The following INTU variants were observed in gnomAD, a reference collection of about 807,000 sequenced individuals.
INTU encodes the protein protein inturned.
Under a neutral mutation model 100.5 loss-of-function variants are expected in INTU, and 68 were observed. That is an observed-to-expected ratio of 0.68 (90% confidence interval 0.56 to 0.83). The LOEUF (loss-of-function observed/expected upper bound fraction) is 0.83, where lower values mean the gene tolerates loss of function less well. INTU is among the 40% of genes least tolerant of loss of function. The probability of loss-of-function intolerance (pLI) is 0.00; values close to 1 mark genes in which losing one functional copy is unlikely to be tolerated. For missense variants in INTU, 1,071 were observed against 1,114.7 expected (o/e 0.96, Z 0.56); for synonymous variants, 357 against 395.7 (o/e 0.90, Z 1.16).
intron 8 of INTU, among the ~76,000 whole-genome samples, chr4:127,693,637 C>G (rs371955487): frequency 1.2e-4 from 18 of 152,168 alleles, no homozygotes; most frequent in African/African-American, 4.1e-4. Context: ...AAGTGGGCAT[C>G]CTTGTCTTGT....
chr4:127,656,726 G>A lies in INTU; in HGVS notation c.768+5G>A, dbSNP rs1382972145. 1 of 1,550,960 alleles carries A rather than the reference G, an allele frequency of 6.4e-7. No homozygotes were observed. The highest frequency in any genetic ancestry group is 8.8e-7 in the Non-Finnish European group (1 of 1,130,594). ...TGCATTCCTGGACCTATGCAGGTAT[G>A]GACATTCTTTTTCTATATTTTATGA... On this transcript the variant is annotated splice_donor_5th_base_variant and intron_variant, in intron 3 of 15. Coordinates refer to ENST00000335251, the MANE Select transcript of INTU (RefSeq NM_015693.4).
chr4:127,714,655 A>ATCTCTT (rs1393309063), intron 15 of INTU, among the ~76,000 whole-genome samples: 1 of 152,114 alleles, frequency 6.6e-6, no homozygotes, highest in Non-Finnish European at 1.5e-5. Context: ...ACGATCCATT[A>ATCTCTT]TCTCTTTCCC....
rs190161028 is a variant in INTU, at chr4:127,656,588, G to T, written c.683-48G>T. 5,892 of 1,351,872 alleles carry T rather than the reference G, an allele frequency of 4.4e-3. 26 individuals carry two copies. Among genetic ancestry groups the T allele is most frequent in the Non-Finnish European group, 5.4e-3 (5,126 of 943,052 alleles). The allele number at this position is 1,351,872 out of a possible 1,614,324, so 83.7% of individuals were successfully genotyped here. On this transcript the variant is annotated intron_variant, in intron 2 of 15. Transcript: ENST00000335251. The stretch of plus-strand genomic sequence containing the variant: ...AATGTTCCAATTCTAGACCTCTATG[G>T]TTTTTAGATATTCATAAAACTATCT...
chr4:127,687,920 T>C (rs1729905507), intron 8 of INTU, 53 bp downstream of exon 8: 1 of 1,179,466 alleles, frequency 8.5e-7, no homozygotes, highest in Non-Finnish European at 1.2e-6. Context: ...TATTATAATC[T>C]TGTATCTTCT....
intron 15 of INTU, 43 bp downstream of exon 15, chr4:127,714,136 A>G: frequency 6.5e-7 from 1 of 1,536,386 alleles, no homozygotes. Context: ...GTGTTAGAAA[A>G]GTGAAAGAAA....
intron 2 of INTU, among the ~76,000 whole-genome samples, chr4:127,646,628 C>T (rs1278404484): frequency 6.6e-6 from 1 of 152,166 alleles, no homozygotes; most frequent in Non-Finnish European, 1.5e-5. Context: ...AGAAGCTCCC[C>T]CTCACCTCTG....
intron 6 of INTU, among the ~76,000 whole-genome samples, chr4:127,682,040 A>C (rs891167841): frequency 6.6e-5 from 10 of 151,604 alleles, no homozygotes; most frequent in African/African-American, 2.4e-4. Context: ...AATGCAAATC[A>C]AAACCACAAT....
At chr4:127,673,222 T>C (rs1729013328) in intron 5 of INTU, among the ~76,000 whole-genome samples, 1 of 152,106 alleles carries the variant, frequency 6.6e-6, no homozygotes, top group Admixed American at 6.5e-5. Flanking sequence ...TTGTCACCCA[T>C]GCTGGAGTGC....
At chr4:127,635,195 A>AT (rs1174613840) in intron 1 of INTU, among the ~76,000 whole-genome samples, 1 of 152,212 alleles carries the variant, frequency 6.6e-6, no homozygotes, top group Non-Finnish European at 1.5e-5. Flanking sequence ...ATAAAATTAC[A>AT]TTATGGTAAA....
intron 7 of INTU, chr4:127,686,784 C>CT (rs1729846602): frequency 6.6e-6 from 1 of 152,116 alleles, no homozygotes; most frequent in East Asian, 1.9e-4. Context: ...AGCTCATTGT[C>CT]TTTTGTCTTG....
chr4:127,638,109 T>A (rs536566645), intron 1 of INTU, among the ~76,000 whole-genome samples: 1 of 152,306 alleles, frequency 6.6e-6, no homozygotes, highest in Admixed American at 6.5e-5. Context: ...AATCAGATAT[T>A]GTTGGTAGAC....
chr4:127,683,992 AGTTG>A (rs1366040468), intron 6 of INTU: 1 of 153,380 alleles, frequency 6.5e-6, no homozygotes, highest in Non-Finnish European at 1.5e-5. Context: ...TTGGAGGCCC[AGTTG>A]ATATGTGGGT....
intron 6 of INTU, among the ~76,000 whole-genome samples, chr4:127,677,892 A>G (rs1729305833): frequency 6.6e-6 from 1 of 152,260 alleles, no homozygotes; most frequent in Non-Finnish European, 1.5e-5. Flanking sequence ...TAACCAATAC[A>G]GAGAAGTGCT....
intron 2 of INTU, among the ~76,000 whole-genome samples, chr4:127,651,181 T>C (rs943090167): frequency 5.3e-5 from 8 of 152,082 alleles, no homozygotes; most frequent in Non-Finnish European, 1.2e-4. Flanking sequence ...CTGTTCACTC[T>C]GATGGTAGTT....
chr4:127,688,983 T>TC (rs1368948360), intron 8 of INTU, among the ~76,000 whole-genome samples: 1 of 139,302 alleles, frequency 7.2e-6, no homozygotes, highest in Admixed American at 7.2e-5. Flanking sequence ...TTTTTTTTTT[T>TC]TTTTTTTTTT....
In INTU at chr4:127,678,146, G is replaced by T. The variant is rs940531298; in HGVS notation, c.1181+3933G>T. On this transcript the variant is annotated intron_variant, in intron 6 of 15. Transcript: ENST00000335251. ...CTGATTGGTGTACCTGAAAGTGATG[G>T]GGAGAATGGAACCAAGTTGGAAAAC... is the stretch of plus-strand genomic sequence containing the variant. Among the ~76,000 whole-genome samples the T allele has an allele frequency of 8.1e-4, 123 of 152,280 alleles. 1 individual carries two copies. Among genetic ancestry groups the T allele is most frequent in the Non-Finnish European group, 1.2e-3 (85 of 68,038 alleles).
intron 12 of INTU, 21 bp downstream of exon 12, chr4:127,706,990 G>A: frequency 6.3e-7 from 1 of 1,590,466 alleles, no homozygotes; most frequent in Non-Finnish European, 8.6e-7. Context: ...ATTCAAGTGT[G>A]TATGTTCTGG....
At chr4:127,707,709 C>G (rs1464750580) in intron 12 of INTU, among the ~76,000 whole-genome samples, 1 of 151,952 alleles carries the variant, frequency 6.6e-6, no homozygotes, top group Non-Finnish European at 1.5e-5. Context: ...AAATCTGAAC[C>G]TTTGTAACAC....
At chr4:127,644,564 G>A (rs906833174) in intron 2 of INTU, among the ~76,000 whole-genome samples, 7 of 152,190 alleles carry the variant, frequency 4.6e-5, no homozygotes, top group Middle Eastern at 3.4e-3. Context: ...TTTTAAGGGC[G>A]TGTGTCATAA....
Sources: allele counts gnomAD v4.1 joint callset (sites outside exome capture counted in the v4.1 genomes callset), GRCh38; gene constraint gnomAD v4.1.1; transcripts MANE v1.5; gene names NCBI Gene and HGNC (gene_info 2026-07-23, HGNC 2026-07-21).